METAP1D: variants seen among roughly 807,000 people sequenced by gnomAD.
METAP1D encodes methionyl aminopeptidase type 1D, mitochondrial.
METAP1D carries 31 observed loss-of-function variants against 40.5 expected under a neutral mutation model. That is an observed-to-expected ratio of 0.77 (90% CI 0.58 to 1.03). The LOEUF is 1.03. Ranked by LOEUF, METAP1D falls within the 50% of genes least tolerant of loss-of-function variation. METAP1D has a pLI of 0.00. For missense variants in METAP1D, 411 were observed against 420.7 expected, an observed-to-expected ratio of 0.98 and a Z score of 0.20; for synonymous variants, 151 against 146.4, an observed-to-expected ratio of 1.03 and a Z score of -0.22.
Position 172,068,299 on chromosome 2 carries a change from A to C in METAP1D, c.540+1993A>C, listed in dbSNP as rs372986516. On this transcript the variant is annotated intron_variant, in intron 5 of 9. Coordinates refer to ENST00000315796, the MANE Select transcript of METAP1D (RefSeq NM_199227.3). ...TCCCAGCTACTTAGGAGGCTGAGGC[A>C]GGGAGAATTGCTTGAACCTGAGAGG... Among the ~76,000 whole-genome samples, 120 of 152,160 alleles carry C rather than the reference A, an allele frequency of 7.9e-4. 5 individuals are homozygous for C. The South Asian group carries it at 0.024, about 31-fold the overall frequency.
chr2:172,014,764 T>C (rs977706348), intron 1 of METAP1D, among the ~76,000 whole-genome samples: 1 of 152,156 alleles, frequency 6.6e-6, no homozygotes, highest in Non-Finnish European at 1.5e-5. Flanking sequence ...GAAATTCTCC[T>C]GCCTCAGCCT....
At chr2:172,016,659 AAAT>A (rs1410554759) in intron 1 of METAP1D, among the ~76,000 whole-genome samples, 2 of 151,824 alleles carry the variant, frequency 1.3e-5, no homozygotes. Context: ...AAAAATATGA[AAAT>A]AAAATAAATT....
intron 1 of METAP1D, among the ~76,000 whole-genome samples, chr2:172,031,808 C>T (rs1277646466): frequency 6.6e-6 from 1 of 152,146 alleles, no homozygotes; most frequent in Non-Finnish European, 1.5e-5. Flanking sequence ...TTGTGGAATT[C>T]GAATCCCAAA....
rs752711309 is a variant in METAP1D at position 172,065,592 on chromosome 2, T to G, written c.349-12T>G. 20 of 1,611,804 alleles carry G rather than the reference T, an allele frequency of 1.2e-5. No homozygotes were observed. The highest frequency in any genetic ancestry group is 1.7e-5 in the Non-Finnish European group (20 of 1,179,238). Reference sequence around the variant, plus strand: ...AATTGTTGCTGCACAATTTCTTTATTTAACATTTTAGGTTGACATGACAAC... The same window carrying G: ...AATTGTTGCTGCACAATTTCTTTATGTAACATTTTAGGTTGACATGACAAC... On this transcript the variant is annotated splice_polypyrimidine_tract_variant and intron_variant, in intron 3 of 9. Transcript: ENST00000315796.
Position 172,044,089 on chromosome 2 carries a change from C to T in METAP1D, c.41-17409C>T, listed in dbSNP as rs566760246. On this transcript the variant is annotated intron_variant, in intron 1 of 9. Transcript: ENST00000315796. ...TCTGGGTGACAGAGCAAGACCCTGT[C>T]CCCCCAAAAAATTATAGTCATATTG... 2.0e-4 allele frequency among the ~76,000 whole-genome samples: 27 copies of T among 133,686 alleles called. 5 individuals are homozygous for T. Among genetic ancestry groups the T allele is most frequent in the Admixed American group, 1.3e-3 (17 of 13,504 alleles). 87.7% of individuals were successfully genotyped at this position (133,686 alleles called of 152,430 possible).
intron 1 of METAP1D, among the ~76,000 whole-genome samples, chr2:172,016,364 T>G (rs1688865792): frequency 7.4e-6 from 1 of 134,738 alleles, no homozygotes; most frequent in African/African-American, 2.8e-5. Flanking sequence ...ATGCTTGTAA[T>G]CCCACCACTT....
chr2:172,045,727 G>GTA (rs1391986739), intron 1 of METAP1D, among the ~76,000 whole-genome samples: 4 of 82,150 alleles, frequency 4.9e-5, no homozygotes, highest in African/African-American at 1.6e-4. Context: ...GTGTGTGTGT[G>GTA]TGTGTATATA....
intron 1 of METAP1D, among the ~76,000 whole-genome samples, chr2:172,011,305 GATGGAGTCTCACTC>G (rs1688716416): frequency 7.1e-6 from 1 of 140,890 alleles, no homozygotes; most frequent in Non-Finnish European, 1.5e-5. Flanking sequence ...TTTTTTTGGC[GATGGAGTCTCACTC>G]TGTCGCCCAG....
At chr2:172,008,274 G>A (rs747470377) in intron 1 of METAP1D, among the ~76,000 whole-genome samples, 3 of 152,048 alleles carry the variant, frequency 2.0e-5, no homozygotes, top group Admixed American at 6.6e-5. Context: ...GTGGCCATTG[G>A]CAATCATGAC....
Position 172,080,376 on chromosome 2 carries a change from G to C in METAP1D, c.978G>C (p.Gln326His). ...HTVLITSRGA[Q>H]ILTKLPHEA ...TTCTGATCACGTCGAGGGGCGCGCA[G>C]ATCCTGACCAAACTACCCCATGAGG... Residue 326 changes from glutamine to histidine, a missense_variant, in exon 10 of 10, where the codon CAG becomes CAC. Transcript: ENST00000315796. 2.5e-6 allele frequency: 4 copies of C among 1,614,066 alleles called. No homozygotes were observed. Among genetic ancestry groups the C allele is most frequent in the Non-Finnish European group, 3.4e-6 (4 of 1,179,900 alleles).
At chr2:172,021,578 G>A (rs1558997453) in intron 1 of METAP1D, among the ~76,000 whole-genome samples, 1 of 152,204 alleles carries the variant, frequency 6.6e-6, no homozygotes. Flanking sequence ...TTCCTGTGGG[G>A]TGTTTACACA....
At chr2:172,052,777 T>C (rs2105461032) in intron 1 of METAP1D, among the ~76,000 whole-genome samples, 1 of 152,354 alleles carries the variant, frequency 6.6e-6, no homozygotes, top group South Asian at 2.1e-4. Context: ...AAATTGGGAA[T>C]TGGGGGAGTT....
intron 1 of METAP1D, among the ~76,000 whole-genome samples, chr2:172,003,628 T>G (rs1236367208): frequency 6.6e-6 from 1 of 152,170 alleles, no homozygotes; most frequent in Admixed American, 6.5e-5. Context: ...CTGCCATGAT[T>G]ATACATTTCC....
Position 172,000,020 on chromosome 2 carries a change from G to A in METAP1D, c.40+11G>A. The stretch of plus-strand genomic sequence containing the variant: ...TGCTCGTCCGCAGAGGTAAGCGCGT[G>A]GAGGAGAGCCCCGTGAGGGTTCGCA... On this transcript the variant is annotated intron_variant, in intron 1 of 9. Transcript: ENST00000315796. 1 of 1,330,020 alleles carries A rather than the reference G, an allele frequency of 7.5e-7. No homozygotes were observed. The highest frequency in any genetic ancestry group is 3.1e-5 in the East Asian group (1 of 32,090). 82.4% of individuals were successfully genotyped at this position (1,330,020 alleles called of 1,614,324 possible). A position where few individuals can be genotyped will look rare whatever the true frequency, so the allele number is the denominator to read the frequency against.
chr2:172,017,983 C>T (rs1275435528), intron 1 of METAP1D, among the ~76,000 whole-genome samples: 7 of 151,564 alleles, frequency 4.6e-5, no homozygotes, highest in Non-Finnish European at 7.4e-5. Context: ...AAAAATTAGC[C>T]GAGTGTGGTG....
chr2:172,016,275 CAAA>C (rs1172458646), intron 1 of METAP1D, among the ~76,000 whole-genome samples: 11 of 9,726 alleles, frequency 1.1e-3, no homozygotes, highest in South Asian at 5.0e-3. Flanking sequence ...GACCCTGTCT[CAAA>C]AAAAAAAAAA....
chr2:172,037,357 A>G (rs1303695251), intron 1 of METAP1D, among the ~76,000 whole-genome samples: 2 of 152,046 alleles, frequency 1.3e-5, no homozygotes, highest in Non-Finnish European at 2.9e-5. Context: ...GGTCATCGAT[A>G]TCTACTTGCT....
At chr2:172,036,633 G>A (rs1242429946) in intron 1 of METAP1D, among the ~76,000 whole-genome samples, 4 of 152,010 alleles carry the variant, frequency 2.6e-5, no homozygotes, top group Admixed American at 1.3e-4. Flanking sequence ...CCAAAGTACC[G>A]AGATTACAGG....
At chr2:172,067,376 T>C (rs1690308276) in intron 5 of METAP1D, among the ~76,000 whole-genome samples, 1 of 152,202 alleles carries the variant, frequency 6.6e-6, no homozygotes, top group Non-Finnish European at 1.5e-5. Context: ...TAACTAAACC[T>C]TTTTTCTTCA....
Sources: allele counts gnomAD v4.1 joint callset (sites outside exome capture counted in the v4.1 genomes callset), GRCh38; gene constraint gnomAD v4.1.1; transcripts MANE v1.5; gene names NCBI Gene and HGNC (gene_info 2026-07-23, HGNC 2026-07-21).